The following PUDP variants were observed in gnomAD, a reference collection of about 807,000 sequenced individuals.
The protein encoded by PUDP is pseudouridine 5'-phosphatase.
Under a neutral mutation model 9.4 loss-of-function variants are expected in PUDP, and 8 were observed. That is an observed-to-expected ratio of 0.85 (90% confidence interval 0.50 to 1.53). The LOEUF (loss-of-function observed/expected upper bound fraction) is 1.53. Among genes scored for constraint, PUDP ranks in the 40% most tolerant of loss-of-function variants. The pLI, the probability that PUDP is intolerant of heterozygous loss-of-function variation, is 0.00. For synonymous variants in PUDP, 99 were observed against 80.7 expected (o/e 1.23, Z -1.22); for missense variants, 188 against 189.7 (o/e 0.99, Z 0.05).
chrX:7,147,961 G>A (rs1380539325), intron 1 of PUDP, 92 bp downstream of exon 1: 81 of 684,219 alleles, frequency 1.2e-4, no homozygotes, highest in Non-Finnish European at 1.6e-4. Flanking sequence ...CCGCCCCGCC[G>A]CGGCCCCCAG....
At chrX:7,104,825 T>A (rs1931833325) in intron 2 of PUDP, among the ~76,000 whole-genome samples, 1 of 112,263 alleles carries the variant, frequency 8.9e-6, no homozygotes, top group Non-Finnish European at 1.9e-5. Flanking sequence ...TGTATAAATA[T>A]AAATAATAAC....
intron 3 of PUDP, among the ~76,000 whole-genome samples, chrX:6,825,375 C>T (rs1317057436): frequency 2.7e-5 from 3 of 111,228 alleles, no homozygotes; most frequent in Non-Finnish European, 5.7e-5. Flanking sequence ...CGGGTCATTC[C>T]CTGCCCACCC....
chrX:6,915,053 CA>C (rs1462714353), intron 3 of PUDP, among the ~76,000 whole-genome samples: 2 of 112,138 alleles, frequency 1.8e-5, no homozygotes, highest in Non-Finnish European at 3.8e-5. Flanking sequence ...GTCATTCAAA[CA>C]AACCCCTTTA....
intron 3 of PUDP, among the ~76,000 whole-genome samples, chrX:6,730,296 C>A (rs918913578): frequency 4.4e-5 from 5 of 112,379 alleles, no homozygotes; most frequent in Non-Finnish European, 1.9e-5. Context: ...GGTTTATCCA[C>A]TGTAAAATGA....
At chrX:6,819,843 G>A (rs111787236) in intron 3 of PUDP, among the ~76,000 whole-genome samples, 3,283 of 111,038 alleles carry the variant, frequency 0.03, 118 homozygotes, top group African/African-American at 0.1. Flanking sequence ...TTTTGAGAGC[G>A]GAAGAGAGAA....
intron 3 of PUDP, among the ~76,000 whole-genome samples, chrX:6,910,813 C>A (rs1927837781): frequency 8.9e-6 from 1 of 112,086 alleles, no homozygotes; most frequent in Admixed American, 9.4e-5. Flanking sequence ...GCTCACAATT[C>A]TGGAGACTGG....
chrX:7,122,215 ATG>A (rs62871862), intron 1 of PUDP, among the ~76,000 whole-genome samples: 1,395 of 99,862 alleles, frequency 0.014, 19 homozygotes, highest in Admixed American at 0.032. Flanking sequence ...AAACCCATAT[ATG>A]TGTGTGTGTG....
chrX:6,775,074 A>G (rs1451618072), intron 3 of PUDP, among the ~76,000 whole-genome samples: 2 of 112,030 alleles, frequency 1.8e-5, no homozygotes, highest in African/African-American at 6.5e-5. Context: ...CCCAAAAGGA[A>G]ACCCAGTGCC....
intron 1 of PUDP, among the ~76,000 whole-genome samples, chrX:7,034,721 G>T (rs1286631353): frequency 9.0e-6 from 1 of 111,234 alleles, no homozygotes; most frequent in Non-Finnish European, 1.9e-5. Context: ...AAAATTTACA[G>T]GACTGGCCCA....
At chrX:6,914,148 CAG>C (rs1331226498) in intron 3 of PUDP, among the ~76,000 whole-genome samples, 13 of 74,762 alleles carry the variant, frequency 1.7e-4, no homozygotes, top group African/African-American at 5.7e-5. Flanking sequence ...GCCTGGGTGA[CAG>C]AGAGAGACCC....
intron 3 of PUDP, among the ~76,000 whole-genome samples, chrX:7,075,001 G>A (rs987600346): frequency 8.9e-6 from 1 of 112,209 alleles, no homozygotes; most frequent in Non-Finnish European, 1.9e-5. Flanking sequence ...GTGTTGCTAA[G>A]AATGCCCCAC....
At chrX:7,077,036 C>T (rs191422209) in intron 3 of PUDP, among the ~76,000 whole-genome samples, 184 bp downstream of exon 3, 86 of 112,182 alleles carry the variant, frequency 7.7e-4, no homozygotes, top group Admixed American at 5.2e-3. Context: ...GGTGCGGCCA[C>T]GATTCCTCAC....
chrX:6,781,824 T>C (rs1172721272), intron 3 of PUDP, among the ~76,000 whole-genome samples: 1 of 112,191 alleles, frequency 8.9e-6, no homozygotes, highest in Non-Finnish European at 1.9e-5. Context: ...ACTAAATATC[T>C]TACAATGCAC....
intron 1 of PUDP, among the ~76,000 whole-genome samples, chrX:6,707,152 A>G (rs1047842179): frequency 9.0e-6 from 1 of 111,386 alleles, no homozygotes; most frequent in African/African-American, 3.3e-5. Flanking sequence ...AAGTAGAGGA[A>G]ATTTTTTCTC....
chrX:6,882,115 A>G (rs1927356045), intron 3 of PUDP, among the ~76,000 whole-genome samples: 2 of 109,634 alleles, frequency 1.8e-5, no homozygotes, highest in South Asian at 8.1e-4. Flanking sequence ...CTGGGACTAC[A>G]GGCACACACC....
intron 3 of PUDP, among the ~76,000 whole-genome samples, chrX:7,062,288 T>C (rs1362056279): frequency 9.0e-6 from 1 of 111,473 alleles, no homozygotes; most frequent in Non-Finnish European, 1.9e-5. Flanking sequence ...ACAGGCCCAC[T>C]GTGGGGAGCC....
At chrX:7,134,366 T>G (rs1716049439) in intron 1 of PUDP, among the ~76,000 whole-genome samples, 1 of 112,208 alleles carries the variant, frequency 8.9e-6, no homozygotes, top group African/African-American at 3.2e-5. Flanking sequence ...TGCTGGTAAC[T>G]CTAAGTGATG....
chrX:7,104,883 C>T (rs925106853), intron 2 of PUDP, among the ~76,000 whole-genome samples: 1 of 111,922 alleles, frequency 8.9e-6, no homozygotes, highest in East Asian at 2.8e-4. Flanking sequence ...ATTTTAAATC[C>T]AAGATTACTC....
chrX:6,901,753 T>C (rs756030981), intron 3 of PUDP, among the ~76,000 whole-genome samples: 2 of 113,047 alleles, frequency 1.8e-5, no homozygotes, highest in Non-Finnish European at 3.7e-5. Context: ...AGACCCTGCA[T>C]TGGGCAGGGA....
Sources: gnomAD v4.1 joint callset for allele counts (sites outside exome capture counted in the v4.1 genomes callset) on GRCh38, gnomAD v4.1.1 for gene constraint, MANE v1.5 for transcripts, NCBI Gene and HGNC (gene_info 2026-07-23, HGNC 2026-07-21) for gene names.